The following PLGRKT variants were observed in gnomAD, a reference collection of about 807,000 sequenced individuals.
The protein encoded by PLGRKT is plasminogen receptor (KT).
Under a neutral mutation model 18.5 loss-of-function variants are expected in PLGRKT, and 22 were observed. That is an observed-to-expected ratio of 1.19 (90% CI 0.85 to 1.70). The LOEUF (loss-of-function observed/expected upper bound fraction) is 1.70. Among genes scored for constraint, PLGRKT ranks in the 40% most tolerant of loss-of-function variants. The pLI, the probability that PLGRKT is intolerant of heterozygous loss-of-function variation, is 0.00. For synonymous variants in PLGRKT, 72 were observed against 52.8 expected (o/e 1.36, Z -1.58); for missense variants, 235 against 174.4 (o/e 1.35, Z -1.96).
chr9:5,428,904 G>A (rs931074019), intron 3 of PLGRKT, among the ~76,000 whole-genome samples: 1 of 152,118 alleles, frequency 6.6e-6, no homozygotes, highest in African/African-American at 2.4e-5. Flanking sequence ...GTCTCACTAT[G>A]TTGCCCAGGG....
chr9:5,381,960 T>C, intron 3 of PLGRKT: 1 of 984,864 alleles, frequency 1.0e-6, no homozygotes, highest in Non-Finnish European at 1.2e-6. Context: ...CTGAGCCAGC[T>C]CTCAAGCACA....
At chr9:5,381,169 G>T (rs143879265) in intron 3 of PLGRKT, among the ~76,000 whole-genome samples, 1 of 152,226 alleles carries the variant, frequency 6.6e-6, no homozygotes, top group African/African-American at 2.4e-5. Context: ...AAAATTGGTA[G>T]TGGGAGTTTG....
chr9:5,371,168 T>C (rs1166082376), intron 3 of PLGRKT, among the ~76,000 whole-genome samples: 1 of 152,194 alleles, frequency 6.6e-6, no homozygotes, highest in African/African-American at 2.4e-5. Flanking sequence ...CAAAAACCTG[T>C]GTTTTATGCC....
At chr9:5,397,156 A>G (rs1818065546) in intron 3 of PLGRKT, among the ~76,000 whole-genome samples, 1 of 151,968 alleles carries the variant, frequency 6.6e-6, no homozygotes, top group Admixed American at 6.6e-5. Flanking sequence ...GCTTCCTACT[A>G]GTGGCAACAG....
chr9:5,362,983 C>T (rs73639290), intron 3 of PLGRKT, among the ~76,000 whole-genome samples: 2,482 of 152,060 alleles, frequency 0.016, 78 homozygotes, highest in African/African-American at 0.056. Context: ...TAAGAGAGGC[C>T]GCTTCCATCT....
At chr9:5,368,553 T>C (rs893974815) in intron 3 of PLGRKT, among the ~76,000 whole-genome samples, 1 of 151,962 alleles carries the variant, frequency 6.6e-6, no homozygotes, top group African/African-American at 2.4e-5. Context: ...GACATAAAGA[T>C]GGCAACAATA....
intron 3 of PLGRKT, among the ~76,000 whole-genome samples, chr9:5,428,538 C>T (rs1818745691): frequency 6.6e-6 from 1 of 152,180 alleles, no homozygotes; most frequent in Admixed American, 6.5e-5. Flanking sequence ...GGCCAGAGAA[C>T]ACAGGACAGG....
At chr9:5,427,615 T>C (rs1469247841) in intron 3 of PLGRKT, among the ~76,000 whole-genome samples, 1 of 152,204 alleles carries the variant, frequency 6.6e-6, no homozygotes, top group African/African-American at 2.4e-5. Context: ...AAAACCATAG[T>C]ATACATAGGC....
At chr9:5,397,642 G>T (rs1477844895) in intron 3 of PLGRKT, among the ~76,000 whole-genome samples, 2 of 149,772 alleles carry the variant, frequency 1.3e-5, no homozygotes, top group Non-Finnish European at 2.9e-5. Flanking sequence ...AGAGAGGGAA[G>T]AAGGAAGCAA....
intron 3 of PLGRKT, among the ~76,000 whole-genome samples, chr9:5,398,399 G>A (rs1219902188): frequency 6.6e-6 from 1 of 151,966 alleles, no homozygotes; most frequent in Non-Finnish European, 1.5e-5. Flanking sequence ...GATCCAAGGA[G>A]AGAAGTTAAC....
At chr9:5,383,793 G>A (rs1390568110) in intron 3 of PLGRKT, among the ~76,000 whole-genome samples, 4 of 152,124 alleles carry the variant, frequency 2.6e-5, no homozygotes, top group Admixed American at 1.3e-4. Context: ...ACTCACTGCC[G>A]CTCATCTCCT....
intron 3 of PLGRKT, among the ~76,000 whole-genome samples, chr9:5,400,549 A>G (rs1259898097): frequency 6.6e-6 from 1 of 151,926 alleles, no homozygotes; most frequent in Non-Finnish European, 1.5e-5. Context: ...AAACCTACCA[A>G]ACAGATTCAA....
At chr9:5,388,872 C>G (rs1350031094) in intron 3 of PLGRKT, among the ~76,000 whole-genome samples, 1 of 152,050 alleles carries the variant, frequency 6.6e-6, no homozygotes, top group African/African-American at 2.4e-5. Context: ...GAACCTACAA[C>G]AGCATCTGGC....
intron 2 of PLGRKT, among the ~76,000 whole-genome samples, chr9:5,432,374 A>G (rs1818844381): frequency 6.6e-6 from 1 of 152,206 alleles, no homozygotes; most frequent in African/African-American, 2.4e-5. Context: ...CCTCTGTACA[A>G]TTAGGCAACA....
chr9:5,429,689 C>G (rs1818782593), intron 3 of PLGRKT, among the ~76,000 whole-genome samples: 1 of 152,168 alleles, frequency 6.6e-6, no homozygotes, highest in East Asian at 1.9e-4. Flanking sequence ...CTCATTTTAA[C>G]TTGATTACCT....
At chr9:5,436,519 CA>C (rs1395336966) in intron 2 of PLGRKT, 49 bp downstream of exon 2, 1 of 152,250 alleles carries the variant, frequency 6.6e-6, no homozygotes, top group African/African-American at 2.4e-5. Flanking sequence ...GTCCTCATGT[CA>C]ATCATCTGGG....
intron 3 of PLGRKT, among the ~76,000 whole-genome samples, chr9:5,415,022 A>T (rs1214443408): frequency 6.6e-6 from 1 of 152,244 alleles, no homozygotes; most frequent in East Asian, 1.9e-4. Context: ...AACAGTAAGC[A>T]TACCCAGAGC....
At chr9:5,383,300 T>C (rs1817780894) in intron 3 of PLGRKT, among the ~76,000 whole-genome samples, 1 of 152,124 alleles carries the variant, frequency 6.6e-6, no homozygotes, top group Admixed American at 6.5e-5. Context: ...TGTGAAATAA[T>C]CATCTTCAGT....
intron 3 of PLGRKT, among the ~76,000 whole-genome samples, chr9:5,378,558 C>A (rs1460329101): frequency 6.6e-6 from 1 of 152,128 alleles, no homozygotes; most frequent in Non-Finnish European, 1.5e-5. Flanking sequence ...AGTGGCTATC[C>A]TTAAGTGGGG....
Sources: allele counts gnomAD v4.1 joint callset (sites outside exome capture counted in the v4.1 genomes callset), GRCh38; gene constraint gnomAD v4.1.1; transcripts MANE v1.5; gene names NCBI Gene and HGNC (gene_info 2026-07-23, HGNC 2026-07-21).